Variants in CCDC85A observed in about 807,000 individuals in gnomAD.
CCDC85A encodes coiled-coil domain-containing protein 85A.
A neutral mutation model predicts 50.2 loss-of-function variants in CCDC85A; 38 were observed. That is an observed-to-expected ratio of 0.76 (90% CI 0.58 to 0.99). The LOEUF (loss-of-function observed/expected upper bound fraction) is 0.99, where lower values mean the gene tolerates loss of function less well. Among genes scored for constraint, CCDC85A ranks in the 50% least tolerant of loss-of-function variants. The pLI, the probability that CCDC85A is intolerant of heterozygous loss-of-function variation, is 0.00. For synonymous variants in CCDC85A, 366 were observed against 301.4 expected, an observed-to-expected ratio of 1.21 and a Z score of -2.22; for missense variants, 820 against 742.0, an observed-to-expected ratio of 1.11 and a Z score of -1.22.
intron 1 of CCDC85A, 137 bp downstream of exon 1, chr2:56,185,037 C>G: frequency 9.4e-7 from 1 of 1,061,024 alleles, no homozygotes; most frequent in South Asian, 1.8e-5. Context: ...CCCCTACCCC[C>G]AGTCCCCAGC....
rs182540046 is a variant in CCDC85A at position 56,281,945 on chromosome 2, A to G, written c.1241-60934A>G. Among the ~76,000 whole-genome samples, 4 of 152,276 alleles carry G rather than the reference A, an allele frequency of 2.6e-5. No individual in the cohort carries two copies. The South Asian group carries it at 6.2e-4, about 24-fold the overall frequency. On this transcript the variant is annotated intron_variant, in intron 2 of 5. Coordinates refer to ENST00000407595, the MANE Select transcript of CCDC85A (RefSeq NM_001080433.2). Reference sequence around the variant, plus strand: ...ATCCTTAATTTTGATGAAGTTCAGTATATCCATTTAAAAATTTTGTGGTCT... The same window carrying G: ...ATCCTTAATTTTGATGAAGTTCAGTGTATCCATTTAAAAATTTTGTGGTCT...
intron 1 of CCDC85A, among the ~76,000 whole-genome samples, chr2:56,190,635 A>T (rs985437712): frequency 6.6e-6 from 1 of 152,070 alleles, no homozygotes; most frequent in Non-Finnish European, 1.5e-5. Flanking sequence ...GGCTGGGGAG[A>T]GCATTCCAGG....
chr2:56,211,182 T>C (rs1437279900), intron 2 of CCDC85A, among the ~76,000 whole-genome samples: 2 of 152,108 alleles, frequency 1.3e-5, no homozygotes, highest in Non-Finnish European at 2.9e-5. Flanking sequence ...AGGGTAAATC[T>C]GAATGTTCCC....
chr2:56,193,534 A>G (rs1676401846), intron 2 of CCDC85A, 94 bp downstream of exon 2: 7 of 1,376,986 alleles, frequency 5.1e-6, no homozygotes, highest in Non-Finnish European at 6.7e-6. Flanking sequence ...AAGAAAGTGC[A>G]GGCGCTAGCT....
intron 2 of CCDC85A, among the ~76,000 whole-genome samples, chr2:56,219,619 C>T (rs1668233315): frequency 6.6e-6 from 1 of 151,810 alleles, no homozygotes; most frequent in Non-Finnish European, 1.5e-5. Context: ...TTGCAAGTTT[C>T]ACCCCTGGAT....
In CCDC85A at chr2:56,184,605, C is replaced by T. The variant is rs927432604; in HGVS notation, c.-20C>T. On this transcript the variant is annotated 5_prime_UTR_variant, in exon 1 of 6. Coordinates refer to ENST00000407595, the MANE Select transcript of CCDC85A (RefSeq NM_001080433.2). Reference sequence around the variant, plus strand: ...GCCTCGCCTCTTCCACCCACTTGCACCTGCCACCCCGCGGATACCATGTCG... The same window carrying T: ...GCCTCGCCTCTTCCACCCACTTGCATCTGCCACCCCGCGGATACCATGTCG... The T allele has an allele frequency of 3.5e-6, 5 of 1,410,702 alleles. No homozygotes were observed. The highest frequency in any genetic ancestry group is 4.6e-6 in the Non-Finnish European group (5 of 1,097,508). The allele number at this position is 1,410,702 out of a possible 1,614,324, so 87.4% of individuals were successfully genotyped here.
intron 2 of CCDC85A, among the ~76,000 whole-genome samples, chr2:56,194,846 C>T (rs566211605): frequency 4.6e-5 from 7 of 152,076 alleles, no homozygotes; most frequent in Admixed American, 1.3e-4. Flanking sequence ...TCCCAAGAGC[C>T]GTGGAGATGC....
intron 3 of CCDC85A, among the ~76,000 whole-genome samples, chr2:56,347,173 C>G (rs149544612): frequency 3.3e-5 from 5 of 152,272 alleles, no homozygotes; most frequent in African/African-American, 9.6e-5. Context: ...TCATCAATTT[C>G]CAGAGCTGGA....
chr2:56,284,137 T>G (rs1474311907), intron 2 of CCDC85A, among the ~76,000 whole-genome samples: 1 of 152,190 alleles, frequency 6.6e-6, no homozygotes, highest in African/African-American at 2.4e-5. Context: ...TACAAATGTG[T>G]TGTTTAATTT....
chr2:56,308,784 G>A (rs1175853921), intron 2 of CCDC85A, among the ~76,000 whole-genome samples: 1 of 152,160 alleles, frequency 6.6e-6, no homozygotes, highest in African/African-American at 2.4e-5. Flanking sequence ...CTTTCTCATT[G>A]ACCGCTGCGC....
chr2:56,197,222 T>C (rs1057417634), intron 2 of CCDC85A, among the ~76,000 whole-genome samples: 3 of 152,190 alleles, frequency 2.0e-5, no homozygotes, highest in African/African-American at 7.2e-5. Context: ...ACAGCTACAC[T>C]GTTATTATTT....
intron 1 of CCDC85A, among the ~76,000 whole-genome samples, chr2:56,189,055 G>A (rs1676174888): frequency 6.6e-6 from 1 of 152,162 alleles, no homozygotes; most frequent in Admixed American, 6.5e-5. Context: ...GTACTTTTCT[G>A]TGCCGGGGGA....
At chr2:56,296,396 C>T (rs962588400) in intron 2 of CCDC85A, among the ~76,000 whole-genome samples, 7 of 152,132 alleles carry the variant, frequency 4.6e-5, no homozygotes, top group African/African-American at 1.7e-4. Flanking sequence ...TCTTCTTTCC[C>T]TTTTCCATAA....
intron 2 of CCDC85A, among the ~76,000 whole-genome samples, chr2:56,194,423 C>A (rs541427036): frequency 8.5e-5 from 13 of 152,200 alleles, no homozygotes; most frequent in Non-Finnish European, 1.3e-4. Context: ...GGATCTAAAA[C>A]GATTGATTTT....
intron 2 of CCDC85A, among the ~76,000 whole-genome samples, chr2:56,271,687 C>T (rs987947006): frequency 2.5e-4 from 38 of 152,300 alleles, no homozygotes; most frequent in African/African-American, 8.7e-4. Context: ...TGCTGAACAA[C>T]TGTCCATGCC....
intron 5 of CCDC85A, chr2:56,379,732 C>A (rs1329956035): frequency 1.1e-6 from 1 of 942,888 alleles, no homozygotes; most frequent in African/African-American, 1.8e-5. Flanking sequence ...ATTTGCTTTT[C>A]TTTTTCAACA....
At chr2:56,293,640 C>G (rs556729800) in intron 2 of CCDC85A, among the ~76,000 whole-genome samples, 2 of 152,168 alleles carry the variant, frequency 1.3e-5, no homozygotes, top group Admixed American at 6.5e-5. Flanking sequence ...AAAAAGTGGG[C>G]ACAGGACATG....
intron 2 of CCDC85A, among the ~76,000 whole-genome samples, chr2:56,216,401 C>T (rs540978985): frequency 2.0e-5 from 3 of 151,674 alleles, no homozygotes; most frequent in East Asian, 3.9e-4. Flanking sequence ...AGTAGACTAT[C>T]GTACTACTTA....
chr2:56,336,687 C>G (rs9808416), intron 2 of CCDC85A, among the ~76,000 whole-genome samples: 3 of 151,844 alleles, frequency 2.0e-5, no homozygotes, highest in Non-Finnish European at 2.9e-5. Flanking sequence ...GTAACACTGC[C>G]TTAGAAACAA....
Sources: gnomAD v4.1 joint callset for allele counts (sites outside exome capture counted in the v4.1 genomes callset) on GRCh38, gnomAD v4.1.1 for gene constraint, MANE v1.5 for transcripts, NCBI Gene and HGNC (gene_info 2026-07-23, HGNC 2026-07-21) for gene names.